The following ZNF831 variants were observed in gnomAD, a reference collection of about 807,000 sequenced individuals.
ZNF831 encodes the protein zinc finger protein 831.
A neutral mutation model predicts 95.8 loss-of-function variants in ZNF831; 59 were observed. That is an observed-to-expected ratio of 0.62 (90% CI 0.50 to 0.77). ZNF831 has a LOEUF of 0.77. Among genes scored for constraint, ZNF831 ranks in the 30% least tolerant of loss-of-function variants. The probability of loss-of-function intolerance (pLI) is 0.00; values close to 1 mark genes in which losing one functional copy is unlikely to be tolerated. For missense variants in ZNF831, 2,205 were observed against 2,164.0 expected (o/e 1.02, Z -0.38); for synonymous variants, 961 against 925.5 (o/e 1.04, Z -0.70).
Position 59,254,359 on chromosome 20 carries a change from A to G in ZNF831, c.4650A>G (p.Gly1550=). ...TCTTGCCAGGGAGACCTTCATCTGGACAAAGAATTTCAGATTCGGTTCCAC... is the reference window on the plus strand; with the variant it reads ...TCTTGCCAGGGAGACCTTCATCTGGGCAAAGAATTTCAGATTCGGTTCCAC... ...QTLLPGRPSS[G]QRISDSVPLE... The change falls in exon 6 of 6, where the codon GGA becomes GGG. Residue 1550 remains glycine (G), a synonymous_variant. Coordinates refer to ENST00000371030, the MANE Select transcript of ZNF831 (RefSeq NM_178457.3). The surrounding 1 kb of genome is among the most constrained non-coding windows in gnomAD (Gnocchi z 4.5). The G allele has an allele frequency of 6.2e-7, 1 of 1,614,136 alleles. No homozygotes were observed. Among genetic ancestry groups the G allele is most frequent in the Non-Finnish European group, 8.5e-7 (1 of 1,180,020 alleles).
At chr20:59,156,702 G>A (rs1310929496) in intron 2 of ZNF831, among the ~76,000 whole-genome samples, 1 of 152,042 alleles carries the variant, frequency 6.6e-6, no homozygotes, top group Non-Finnish European at 1.5e-5. Context: ...ATCACCGCTG[G>A]ACTCTCCGCT....
At chr20:59,135,730 C>CAA (rs201574489) in intron 1 of ZNF831, among the ~76,000 whole-genome samples, 38 of 150,540 alleles carry the variant, frequency 2.5e-4, no homozygotes, top group African/African-American at 8.8e-4. Flanking sequence ...GACTCCATCT[C>CAA]AAAAAAAAAT....
At chr20:59,126,482 A>C (rs1979174030) in intron 1 of ZNF831, among the ~76,000 whole-genome samples, 1 of 152,192 alleles carries the variant, frequency 6.6e-6, no homozygotes, top group East Asian at 1.9e-4. Flanking sequence ...GGGTGTGCAC[A>C]CTGAAGTTTG....
intron 4 of ZNF831, among the ~76,000 whole-genome samples, chr20:59,241,039 G>GA (rs1236215094): frequency 1.3e-5 from 2 of 151,278 alleles, no homozygotes; most frequent in African/African-American, 4.8e-5. Flanking sequence ...AGGTAAAAAA[G>GA]AAAAAAAAGT....
At chr20:59,145,074 G>A (rs1242197330) in intron 1 of ZNF831, among the ~76,000 whole-genome samples, 1 of 152,306 alleles carries the variant, frequency 6.6e-6, no homozygotes, top group East Asian at 1.9e-4. Flanking sequence ...TCTGTGGATG[G>A]TCCGGTTCAC....
At position 59,193,453 on chromosome 20, in the gene ZNF831, G is replaced by A. The variant is rs771727695; in HGVS notation, c.2434G>A (p.Gly812Ser). The part of the protein sequence containing the change: ...AQTVLRWPSR[G>S]SGEDKLPSER... ...GACTGTCCTGAGATGGCCCAGCAGGGGCTCAGGGGAGGACAAGCTCCCCTC... is the reference window on the plus strand; with the variant it reads ...GACTGTCCTGAGATGGCCCAGCAGGAGCTCAGGGGAGGACAAGCTCCCCTC... The change falls in exon 2 of 6, where the codon GGC becomes AGC. Residue 812 changes from glycine (G) to serine (S), a missense_variant. Transcript: ENST00000371030. 6.2e-7 allele frequency: 1 copy of A among 1,606,610 alleles called. No homozygotes were observed. The highest frequency in any genetic ancestry group is 1.3e-5 in the African/African-American group (1 of 74,864).
intron 1 of ZNF831, among the ~76,000 whole-genome samples, 23 bp downstream of exon 1, chr20:59,164,230 TA>T (rs1234745171): frequency 6.6e-6 from 1 of 152,132 alleles, no homozygotes; most frequent in Non-Finnish European, 1.5e-5. Flanking sequence ...CTCCATGACA[TA>T]AGCATATATA....
chr20:59,249,026 C>T (rs1209672243), intron 4 of ZNF831, among the ~76,000 whole-genome samples: 1 of 152,230 alleles, frequency 6.6e-6, no homozygotes, highest in Non-Finnish European at 1.5e-5. Context: ...GCCCCTGCCC[C>T]TGCATTCACG....
At position 59,166,422 on chromosome 20, in the gene ZNF831, G is replaced by C. The variant is rs75764402; in HGVS notation, c.-37+2215G>C. ...TGCAGTTGTAAGAAAAAAATACAGAGAGATCCCATGTGTTTTTTACCCAGT... is the reference window on the plus strand; with the variant it reads ...TGCAGTTGTAAGAAAAAAATACAGACAGATCCCATGTGTTTTTTACCCAGT... On this transcript the variant is annotated intron_variant, in intron 1 of 5. Coordinates refer to ENST00000371030, the MANE Select transcript of ZNF831 (RefSeq NM_178457.3). 1.1e-3 allele frequency among the ~76,000 whole-genome samples: 160 copies of C among 152,282 alleles called. 1 individual carries two copies. Among genetic ancestry groups the C allele is most frequent in the African/African-American group, 3.7e-3 (154 of 41,562 alleles).
chr20:59,144,959 CCTGGCCACAGG>C (rs1979796232), intron 1 of ZNF831, among the ~76,000 whole-genome samples: 1 of 152,150 alleles, frequency 6.6e-6, no homozygotes, highest in South Asian at 2.1e-4. Flanking sequence ...GTTCCTGTTA[CCTGGCCACAGG>C]CTGCCCCCAT....
rs1985727950 is a variant in ZNF831 at position 59,217,004 on chromosome 20, A to G, written c.4027+9948A>G. 6.6e-6 allele frequency among the ~76,000 whole-genome samples: 1 copy of G among 152,154 alleles called. No homozygotes were observed. The highest frequency in any genetic ancestry group is 2.4e-5 in the African/African-American group (1 of 41,426). On this transcript the variant is annotated intron_variant, in intron 4 of 5. Coordinates refer to ENST00000371030, the MANE Select transcript of ZNF831 (RefSeq NM_178457.3). The surrounding 1 kb of genome is among the most constrained non-coding windows in gnomAD (Gnocchi z 4.4). The stretch of plus-strand genomic sequence containing the variant: ...ACCTAGAGGGGCAAAAAAGTTAATT[A>G]TTAGTTTTTAATTACACGTGTAATC...
intron 4 of ZNF831, among the ~76,000 whole-genome samples, chr20:59,216,172 C>T (rs972670805): frequency 5.9e-5 from 9 of 152,228 alleles, no homozygotes; most frequent in African/African-American, 1.9e-4. Context: ...GAGCCATACC[C>T]CCTTTTTTTC....
chr20:59,166,652 A>T (rs936916746), intron 1 of ZNF831, among the ~76,000 whole-genome samples: 4 of 152,128 alleles, frequency 2.6e-5, no homozygotes, highest in Non-Finnish European at 5.9e-5. Flanking sequence ...CATTTCAAGA[A>T]TGTTATATGA....
intron 1 of ZNF831, among the ~76,000 whole-genome samples, chr20:59,139,824 G>A (rs1979620329): frequency 6.6e-6 from 1 of 152,180 alleles, no homozygotes; most frequent in African/African-American, 2.4e-5. Flanking sequence ...AGTGCTCGTG[G>A]ATGAATGCAC....
chr20:59,181,897 A>C (rs1982646415), intron 1 of ZNF831, among the ~76,000 whole-genome samples: 1 of 152,044 alleles, frequency 6.6e-6, no homozygotes, highest in African/African-American at 2.4e-5. Flanking sequence ...CCTTTCCATG[A>C]GCATGGAATG....
intron 4 of ZNF831, among the ~76,000 whole-genome samples, chr20:59,213,030 G>A (rs1039223188): frequency 3.9e-5 from 6 of 152,210 alleles, no homozygotes; most frequent in Non-Finnish European, 4.4e-5. Context: ...AAGTGACAAA[G>A]ATGATAACTC....
chr20:59,140,555 C>G (rs979159907), intron 1 of ZNF831, among the ~76,000 whole-genome samples: 1 of 152,144 alleles, frequency 6.6e-6, no homozygotes, highest in East Asian at 1.9e-4. Context: ...CAGGAAGTTG[C>G]AAAAATAGTA....
At position 59,247,221 on chromosome 20, in the gene ZNF831, G is replaced by A. The variant is rs1231158538; in HGVS notation, c.4028-5757G>A. Among the ~76,000 whole-genome samples the A allele has an allele frequency of 3.3e-5, 5 of 152,324 alleles. No homozygotes were observed. The East Asian group carries it at 9.6e-4, about 29-fold the overall frequency. On this transcript the variant is annotated intron_variant, in intron 4 of 5. Coordinates refer to ENST00000371030, the MANE Select transcript of ZNF831 (RefSeq NM_178457.3). ...TGTCAGATGATTTACTGTGTGCATAGTTTTGCTCTTTTCCATAGATACAGG... is the reference window on the plus strand; with the variant it reads ...TGTCAGATGATTTACTGTGTGCATAATTTTGCTCTTTTCCATAGATACAGG...
intron 1 of ZNF831, among the ~76,000 whole-genome samples, chr20:59,164,910 A>G (rs1568733677): frequency 6.6e-6 from 1 of 152,226 alleles, no homozygotes; most frequent in Non-Finnish European, 1.5e-5. Flanking sequence ...CCAAAATGCA[A>G]CGAGGGACAG....
Sources: gnomAD v4.1 joint callset for allele counts (sites outside exome capture counted in the v4.1 genomes callset) on GRCh38, gnomAD v4.1.1 for gene constraint, Gnocchi (gnomAD v3.1) non-coding constraint, MANE v1.5 for transcripts, NCBI Gene and HGNC (gene_info 2026-07-23, HGNC 2026-07-21) for gene names.